Variants in ZFYVE28 observed in about 807,000 individuals in gnomAD.
ZFYVE28 encodes the protein zinc finger FYVE-type containing 28, also known as lateral signaling target protein 2 homolog.
In ZFYVE28, 40 loss-of-function variants were observed where a neutral mutation model predicts 82.1. That is an observed-to-expected ratio of 0.49 (90% confidence interval 0.38 to 0.63). ZFYVE28 has a LOEUF of 0.63. Among genes scored for constraint, ZFYVE28 ranks in the 30% least tolerant of loss-of-function variants. ZFYVE28 has a pLI of 0.00. For missense variants in ZFYVE28, 1,321 were observed against 1,242.1 expected (o/e 1.06, Z -0.96); for synonymous variants, 612 against 546.1 (o/e 1.12, Z -1.68).
At chr4:2,327,560 C>CT (rs201559806) in intron 6 of ZFYVE28, among the ~76,000 whole-genome samples, 3,340 of 151,636 alleles carry the variant, frequency 0.022, 123 homozygotes, top group African/African-American at 0.077. Flanking sequence ...CACATTCTTT[C>CT]TTTTTTTCTG....
chr4:2,404,164 C>CA (rs1448248672), intron 1 of ZFYVE28, among the ~76,000 whole-genome samples: 3 of 150,264 alleles, frequency 2.0e-5, no homozygotes, highest in South Asian at 2.1e-4. Flanking sequence ...AATAAAAATA[C>CA]AAAAAAAATT....
chr4:2,418,375 T>G lies in ZFYVE28; in HGVS notation c.-52A>C. On this transcript the variant is annotated 5_prime_UTR_variant, in exon 1 of 13. Coordinates refer to ENST00000290974, the MANE Select transcript of ZFYVE28 (RefSeq NM_020972.3). The surrounding 1 kb of genome is among the most constrained non-coding windows in gnomAD (Gnocchi z 4.6). ...GGGCGGCCCTCGCCCTCCGCAGCGC[T>G]GCGCCCGGGCCCGGCTGAGGCGCGG... 1 of 1,322,770 alleles carries G rather than the reference T, an allele frequency of 7.6e-7. No individual in the cohort carries two copies. Among genetic ancestry groups the G allele is most frequent in the Non-Finnish European group, 9.7e-7 (1 of 1,026,490 alleles). The allele number at this position is 1,322,770 out of a possible 1,614,324, so 81.9% of individuals were successfully genotyped here.
intron 4 of ZFYVE28, among the ~76,000 whole-genome samples, chr4:2,337,727 G>A (rs181613259): frequency 1.3e-5 from 2 of 152,280 alleles, no homozygotes; most frequent in Admixed American, 6.5e-5. Context: ...AAAAAGTCGG[G>A]TGTGGTGGTG....
At chr4:2,365,741 C>A (rs1384119460) in intron 1 of ZFYVE28, among the ~76,000 whole-genome samples, 5 of 152,186 alleles carry the variant, frequency 3.3e-5, no homozygotes, top group Admixed American at 3.3e-4. Context: ...CTCCAGCTCG[C>A]CCTCAGCTGG....
At chr4:2,352,671 C>T (rs1724655171) in intron 2 of ZFYVE28, among the ~76,000 whole-genome samples, 1 of 152,120 alleles carries the variant, frequency 6.6e-6, no homozygotes, top group South Asian at 2.1e-4. Flanking sequence ...GCAGTTCTCA[C>T]GGTGATACAT....
At chr4:2,379,527 T>C (rs1424232130) in intron 1 of ZFYVE28, among the ~76,000 whole-genome samples, 1 of 152,162 alleles carries the variant, frequency 6.6e-6, no homozygotes, top group Non-Finnish European at 1.5e-5. Context: ...AATTGGCCCA[T>C]CACTCCTGGA....
At chr4:2,308,859 T>C (rs1717099039) in intron 7 of ZFYVE28, among the ~76,000 whole-genome samples, 1 of 152,190 alleles carries the variant, frequency 6.6e-6, no homozygotes, top group African/African-American at 2.4e-5. Context: ...ACTGATATCT[T>C]CATAACATCA....
At chr4:2,334,672 T>G (rs1433901427) in intron 6 of ZFYVE28, among the ~76,000 whole-genome samples, 3 of 145,940 alleles carry the variant, frequency 2.1e-5, no homozygotes, top group Non-Finnish European at 4.5e-5. Flanking sequence ...CACGGGCATC[T>G]CTCTCAAGGG....
intron 7 of ZFYVE28, among the ~76,000 whole-genome samples, chr4:2,317,179 G>A (rs1381712107): frequency 6.6e-6 from 1 of 151,840 alleles, no homozygotes; most frequent in African/African-American, 2.4e-5. Context: ...GTAGAGATGG[G>A]GTTTTGCCAT....
chr4:2,309,992 A>C (rs4974650), intron 7 of ZFYVE28, among the ~76,000 whole-genome samples: 39,498 of 152,150 alleles, frequency 0.26, 6,210 homozygotes, highest in Middle Eastern at 0.39. Context: ...CAAAACATCA[A>C]TTTGATTTCC....
intron 7 of ZFYVE28, among the ~76,000 whole-genome samples, chr4:2,317,030 C>T (rs1718328999): frequency 6.7e-6 from 1 of 149,030 alleles, no homozygotes; most frequent in Non-Finnish European, 1.5e-5. Flanking sequence ...ACTCTGTCAC[C>T]CAGGCTGGAG....
In ZFYVE28 at chr4:2,339,710, G is replaced by A; in HGVS notation, c.319-55C>T. On this transcript the variant is annotated intron_variant, in intron 3 of 12. Coordinates refer to ENST00000290974, the MANE Select transcript of ZFYVE28 (RefSeq NM_020972.3). This position sits in a 1 kb window ranked among gnomAD's most constrained non-coding sequence, Gnocchi z 5.0. ...CCCGGGTGAGGGCCAGGCTCTCAGG[G>A]GTCGCCGACCCGGGGAACCTGACTG... The A allele has an allele frequency of 8.0e-6, 12 of 1,508,282 alleles. No individual in the cohort carries two copies. Among genetic ancestry groups the A allele is most frequent in the Non-Finnish European group, 9.8e-6 (11 of 1,124,884 alleles). The allele number at this position is 1,508,282 out of a possible 1,614,324, so 93.4% of individuals were successfully genotyped here. A position where few individuals can be genotyped will look rare whatever the true frequency, so the allele number is the denominator to read the frequency against.
intron 8 of ZFYVE28, among the ~76,000 whole-genome samples, chr4:2,301,646 T>G (rs1423825582): frequency 1.6e-5 from 1 of 64,426 alleles, no homozygotes; most frequent in African/African-American, 7.0e-5. Context: ...GTCCACTGGC[T>G]GTCACCTGGA....
At position 2,304,937 on chromosome 4, in the gene ZFYVE28, G is replaced by A; in HGVS notation, c.1403C>T (p.Thr468Ile). 6.2e-7 allele frequency: 1 copy of A among 1,612,672 alleles called. No individual in the cohort carries two copies. Among genetic ancestry groups the A allele is most frequent in the East Asian group, 2.2e-5 (1 of 44,848 alleles). Reference protein sequence around the residue: ...LSNNNLEAEGTDGASLAGTSS... With the variant: ...LSNNNLEAEGIDGASLAGTSS... The stretch of plus-strand genomic sequence containing the variant: ...GGTGCCCGCGAGGCTGGCCCCATCT[G>A]TGCCCTCGGCCTCGAGATTGTTGTT... The change falls in exon 8 of 13, where the codon ACA (threonine) becomes ATA (isoleucine). Residue 468 changes from threonine (T) to isoleucine (I), a missense_variant. Around this residue, in one of 2 missense-constraint regions of ZFYVE28, gnomAD observed 978 missense variants for 833.7 expected, o/e 1.17. Coordinates refer to ENST00000290974, the MANE Select transcript of ZFYVE28 (RefSeq NM_020972.3).
At chr4:2,308,627 C>CGAAAGAAAGAAAGAAAGAAAGAA in intron 7 of ZFYVE28, among the ~76,000 whole-genome samples, 1 of 79,522 alleles carries the variant, frequency 1.3e-5, no homozygotes. Context: ...AGAAAGAAGA[C>CGAAAGAAAGAAAGAAAGAAAGAA]AGAAAGAAAG....
intron 7 of ZFYVE28, among the ~76,000 whole-genome samples, chr4:2,307,628 G>A (rs775499770): frequency 6.6e-6 from 1 of 152,094 alleles, no homozygotes; most frequent in African/African-American, 2.4e-5. Flanking sequence ...TACTACAGGT[G>A]CAGACCACCG....
rs140272091 is a variant in ZFYVE28 at position 2,289,361 on chromosome 4, C to G, written c.2051+14928G>C. On this transcript the variant is annotated intron_variant, in intron 8 of 12. Transcript: ENST00000290974. ...TCCTTCGAACAAGGGTGCCCCTCAG[C>G]AGGGGTGGAGTAAGTGGGCACTCAG... Among the ~76,000 whole-genome samples, 465 of 152,342 alleles carry G rather than the reference C, an allele frequency of 3.1e-3. 2 individuals are homozygous for G. Among genetic ancestry groups the G allele is most frequent in the African/African-American group, 0.011 (446 of 41,576 alleles).
At chr4:2,275,118 G>C (rs990787183) in intron 8 of ZFYVE28, among the ~76,000 whole-genome samples, 5 of 152,154 alleles carry the variant, frequency 3.3e-5, no homozygotes, top group African/African-American at 1.2e-4. Flanking sequence ...GCCTCCCTGG[G>C]CATCGGTTCT....
At chr4:2,387,133 G>A (rs1449097173) in intron 1 of ZFYVE28, among the ~76,000 whole-genome samples, 2 of 152,202 alleles carry the variant, frequency 1.3e-5, no homozygotes, top group South Asian at 2.1e-4. Context: ...GCCACAGTCC[G>A]TTTGCCTGCA....
Sources: gnomAD v4.1 joint callset for allele counts (sites outside exome capture counted in the v4.1 genomes callset) on GRCh38, gnomAD v4.1.1 for gene constraint, gnomAD v4.1.1 regional missense constraint, Gnocchi (gnomAD v3.1) non-coding constraint, MANE v1.5 for transcripts, NCBI Gene and HGNC (gene_info 2026-07-23, HGNC 2026-07-21) for gene names.